The following SKI variants were observed in gnomAD, a reference collection of about 807,000 sequenced individuals.
The protein encoded by SKI is ski oncogene.
Under a neutral mutation model 59.3 loss-of-function variants are expected in SKI, and 23 were observed. That is an observed-to-expected ratio of 0.39 (90% CI 0.28 to 0.55). SKI has a LOEUF of 0.55. SKI is among the 20% of genes least tolerant of loss of function. The pLI is 0.67. For synonymous variants in SKI, 673 were observed against 488.6 expected (o/e 1.38, Z -4.98); for missense variants, 1,017 against 1,038.9 (o/e 0.98, Z 0.29).
chr1:2,271,388 G>A (rs968410529), intron 1 of SKI, among the ~76,000 whole-genome samples: 1 of 152,072 alleles, frequency 6.6e-6, no homozygotes, highest in East Asian at 1.9e-4. Context: ...CCCCACAGGA[G>A]CCTGTTATGG....
chr1:2,283,888 A>G (rs1219289438), intron 1 of SKI, among the ~76,000 whole-genome samples: 1 of 152,168 alleles, frequency 6.6e-6, no homozygotes, highest in Non-Finnish European at 1.5e-5. Flanking sequence ...CGAGGCAGCA[A>G]AGCTGACCCG....
intron 1 of SKI, among the ~76,000 whole-genome samples, chr1:2,230,932 G>A (rs1638622118): frequency 6.6e-6 from 1 of 152,132 alleles, no homozygotes; most frequent in Admixed American, 6.5e-5. Flanking sequence ...AGGGACTGTC[G>A]CCTCTGCTCG....
intron 1 of SKI, among the ~76,000 whole-genome samples, chr1:2,230,020 A>G (rs1638596538): frequency 1.3e-5 from 2 of 152,340 alleles, no homozygotes; most frequent in South Asian, 4.1e-4. Context: ...GCAGGCCCAC[A>G]GGCATTGCCC....
chr1:2,238,819 G>A (rs999458221), intron 1 of SKI, among the ~76,000 whole-genome samples: 1 of 152,232 alleles, frequency 6.6e-6, no homozygotes, highest in Admixed American at 6.5e-5. Flanking sequence ...GCCACACTGG[G>A]GAGGGAGGTA....
rs971702195 is a variant in SKI at position 2,307,985 on chromosome 1, A to G, written c.*1220A>G. The G allele has an allele frequency of 6.6e-6, 1 of 152,470 alleles. No homozygotes were observed. The highest frequency in any genetic ancestry group is 2.4e-5 in the African/African-American group (1 of 41,440). The allele number at this position is 152,470 out of a possible 1,614,324, so 9.4% of individuals were successfully genotyped here. A position where few individuals can be genotyped will look rare whatever the true frequency, so the allele number is the denominator to read the frequency against. ...TACCCCCAAGATATCTGTCTTCAGT[A>G]GCGACTGAATCTGCCACTCTCAGAA... On this transcript the variant is annotated 3_prime_UTR_variant, in exon 7 of 7. Transcript: ENST00000378536.
chr1:2,256,611 C>T (rs1440161503), intron 1 of SKI, among the ~76,000 whole-genome samples: 3 of 152,256 alleles, frequency 2.0e-5, no homozygotes, highest in Non-Finnish European at 2.9e-5. Context: ...GCCTGGGAGG[C>T]ACGTGCTTTG....
At chr1:2,260,491 C>T (rs1251686100) in intron 1 of SKI, among the ~76,000 whole-genome samples, 3 of 141,648 alleles carry the variant, frequency 2.1e-5, no homozygotes, top group East Asian at 4.0e-4. Flanking sequence ...AAGAGTAGAA[C>T]TGCAAAATTT....
Position 2,303,136 on chromosome 1 carries a change from G to A in SKI, c.1095+33G>A, listed in dbSNP as rs748089798. The A allele has an allele frequency of 6.2e-7, 1 of 1,612,580 alleles. No individual in the cohort carries two copies. The highest frequency in any genetic ancestry group is 1.1e-5 in the South Asian group (1 of 91,078). On this transcript the variant is annotated intron_variant, in intron 2 of 6. Transcript: ENST00000378536. This position sits in a 1 kb window ranked among gnomAD's most constrained non-coding sequence, Gnocchi z 5.6. Reference sequence around the variant, plus strand: ...GGGGCCTGTCGGGGTCCTTGGGGTGGTGGGTACTGGGCCCTTCTCCTTGGG... The same window carrying A: ...GGGGCCTGTCGGGGTCCTTGGGGTGATGGGTACTGGGCCCTTCTCCTTGGG...
chr1:2,305,543 G>C (rs752833200), intron 5 of SKI, among the ~76,000 whole-genome samples: 1 of 152,226 alleles, frequency 6.6e-6, no homozygotes, highest in African/African-American at 2.4e-5. Flanking sequence ...TGTTTGCAGC[G>C]TGGGGTGTGA....
intron 1 of SKI, among the ~76,000 whole-genome samples, chr1:2,264,532 G>C (rs770817682): frequency 6.6e-6 from 1 of 152,110 alleles, no homozygotes; most frequent in Non-Finnish European, 1.5e-5. Context: ...GGTTTCCAAA[G>C]TGCTGGGATT....
intron 1 of SKI, among the ~76,000 whole-genome samples, chr1:2,263,611 C>G (rs1639433834): frequency 6.6e-6 from 1 of 151,376 alleles, no homozygotes; most frequent in Non-Finnish European, 1.5e-5. Context: ...GTATCTTTGT[C>G]TGGTTTTGGT....
At chr1:2,237,663 G>A (rs936360484) in intron 1 of SKI, among the ~76,000 whole-genome samples, 1 of 152,232 alleles carries the variant, frequency 6.6e-6, no homozygotes, top group Non-Finnish European at 1.5e-5. Flanking sequence ...TGGAAACATT[G>A]TTGCTTTTAC....
intron 1 of SKI, among the ~76,000 whole-genome samples, chr1:2,230,504 C>G (rs1471322877): frequency 1.3e-5 from 2 of 152,202 alleles, no homozygotes; most frequent in African/African-American, 4.8e-5. Flanking sequence ...TACTGGCGGC[C>G]TGCGATTTGC....
intron 1 of SKI, among the ~76,000 whole-genome samples, chr1:2,278,971 G>T (rs1193610294): frequency 6.6e-6 from 1 of 152,202 alleles, no homozygotes; most frequent in Non-Finnish European, 1.5e-5. Context: ...TGGCGTTGAA[G>T]TGCCACCTTC....
chr1:2,228,640 T>G lies in SKI; in HGVS notation c.-127T>G, dbSNP rs867639865. On this transcript the variant is annotated 5_prime_UTR_variant, in exon 1 of 7. Coordinates refer to ENST00000378536, the MANE Select transcript of SKI (RefSeq NM_003036.4). ...GCGAGGCCGCGGCCGTGATCGGCCG[T>G]GAGCCGGCGGCGGGGGGCGGCCGGG... 9.8e-6 allele frequency: 3 copies of G among 305,364 alleles called. No homozygotes were observed. The highest frequency in any genetic ancestry group is 4.6e-6 in the Non-Finnish European group (1 of 216,178). The allele number at this position is 305,364 out of a possible 1,614,324, so 18.9% of individuals were successfully genotyped here.
rs745527890 is a variant in SKI, at chr1:2,228,904, C to T, written c.138C>T (p.Ala46=). The change falls in exon 1 of 7, where the codon GCC becomes GCT. Residue 46 remains alanine, a synonymous_variant. Transcript: ENST00000378536. ...TCTCGGCGCGCTGGGCGCAGGAGGC[C>T]TACAAGAAGGAGAGCGCCAAGGAGG... The part of the protein sequence containing the change: ...AAFSARWAQE[A]YKKESAKEAG... 125 of 1,416,666 alleles carry T rather than the reference C, an allele frequency of 8.8e-5. No homozygotes were observed. In the South Asian group the frequency reaches 1.1e-3, roughly 13 times the overall value. 87.8% of individuals were successfully genotyped at this position (1,416,666 alleles called of 1,614,324 possible).
intron 1 of SKI, among the ~76,000 whole-genome samples, chr1:2,297,593 C>T (rs184609066): frequency 6.6e-6 from 1 of 152,380 alleles, no homozygotes; most frequent in African/African-American, 2.4e-5. Context: ...AACATCTGCG[C>T]CACTCCACAG....
intron 1 of SKI, among the ~76,000 whole-genome samples, chr1:2,289,907 G>T (rs1640125453): frequency 6.6e-6 from 1 of 152,070 alleles, no homozygotes; most frequent in African/African-American, 2.4e-5. Context: ...TGAGCATGGG[G>T]TGCTTGCCAC....
intron 1 of SKI, among the ~76,000 whole-genome samples, chr1:2,254,660 T>C (rs755213364): frequency 1.7e-4 from 26 of 152,190 alleles, no homozygotes; most frequent in Non-Finnish European, 1.5e-4. Flanking sequence ...GACTGGGAGG[T>C]AGGAGCCGAA....
Sources: allele counts gnomAD v4.1 joint callset (sites outside exome capture counted in the v4.1 genomes callset), GRCh38; gene constraint gnomAD v4.1.1; non-coding constraint Gnocchi (gnomAD v3.1); transcripts MANE v1.5; gene names NCBI Gene and HGNC (gene_info 2026-07-23, HGNC 2026-07-21).